AJUBA: variants seen among roughly 807,000 people sequenced by gnomAD.
AJUBA encodes ajuba LIM protein.
In AJUBA, 20 loss-of-function variants were observed where a neutral mutation model predicts 53.3. The observed-to-expected ratio is 0.38, with a 90% CI of 0.26 to 0.55. AJUBA has a LOEUF of 0.55. Ranked by LOEUF, AJUBA falls within the 20% of genes least tolerant of loss-of-function variation. The pLI is 0.80. For missense variants in AJUBA, 580 were observed against 730.5 expected (o/e 0.79, Z 2.38); for synonymous variants, 296 against 306.2 (o/e 0.97, Z 0.35).
In AJUBA at chr14:22,979,039, G is replaced by C; in HGVS notation, c.1007-594C>G. On this transcript the variant is annotated intron_variant, in intron 1 of 7. Transcript: ENST00000262713. The surrounding 1 kb of genome is among the most constrained non-coding windows in gnomAD (Gnocchi z 4.0). Reference sequence around the variant, plus strand: ...AGGGGACCATGTGAGCATGATTCCTGTGGGGAGGTGGCTGCTGAGAATGCA... The same window carrying C: ...AGGGGACCATGTGAGCATGATTCCTCTGGGGAGGTGGCTGCTGAGAATGCA... 7.8e-7 allele frequency: 1 copy of C among 1,289,066 alleles called. No homozygotes were observed. The highest frequency in any genetic ancestry group is 1.0e-6 in the Non-Finnish European group (1 of 988,646). The allele number at this position is 1,289,066 out of a possible 1,614,324, so 79.9% of individuals were successfully genotyped here.
intron 2 of AJUBA, 28 bp from the exon 3 acceptor site, chr14:22,976,740 C>T: frequency 6.2e-7 from 1 of 1,611,360 alleles, no homozygotes; most frequent in Non-Finnish European, 8.5e-7. Flanking sequence ...GGGGCTGGAA[C>T]CTATCCCACA....
Position 22,975,115 on chromosome 14 carries a change from G to C in AJUBA, c.1240-11C>G, listed in dbSNP as rs2045022730. The C allele has an allele frequency of 1.9e-6, 3 of 1,606,102 alleles. No individual in the cohort carries two copies. The highest frequency in any genetic ancestry group is 1.7e-6 in the Non-Finnish European group (2 of 1,175,838). On this transcript the variant is annotated splice_polypyrimidine_tract_variant and intron_variant, in intron 4 of 7. Transcript: ENST00000262713. Reference sequence around the variant, plus strand: ...CATTGCTTGTAGGATCTGGCTCATGGGGTAGCAAGAGAATCAGTCTCCCTC... The same window carrying C: ...CATTGCTTGTAGGATCTGGCTCATGCGGTAGCAAGAGAATCAGTCTCCCTC...
In AJUBA at chr14:22,982,079, G is replaced by T; in HGVS notation, c.188C>A (p.Pro63Gln). The T allele has an allele frequency of 6.3e-7, 1 of 1,590,878 alleles. No homozygotes were observed. Among genetic ancestry groups the T allele is most frequent in the South Asian group, 1.1e-5 (1 of 88,436 alleles). Residue 63 changes from proline (P) to glutamine (Q), a missense_variant, in exon 1 of 8, where the codon CCG (proline) becomes CAG (glutamine). Physicochemically the swap from Pro to Gln is moderately conservative, Grantham distance 76 (BLOSUM62 -1). Around this residue, in one of 2 missense-constraint regions of AJUBA, gnomAD observed 430 missense variants for 471.5 expected, o/e 0.91. Transcript: ENST00000262713. ...GTCCAGGGAACCTTGCTCCCGGGCCGGCTCCAACGGCTCATCCCCAGGTCC... is the reference window on the plus strand; with the variant it reads ...GTCCAGGGAACCTTGCTCCCGGGCCTGCTCCAACGGCTCATCCCCAGGTCC... ...TGGPGDEPLEPAREQGSLDAE... is the reference protein window; with the variant it reads ...TGGPGDEPLEQAREQGSLDAE...
intron 1 of AJUBA, chr14:22,980,647 G>A: frequency 1.0e-6 from 1 of 985,278 alleles, no homozygotes; most frequent in Non-Finnish European, 1.2e-6. Context: ...GTCCCAGGGC[G>A]CTCCATCCTG....
intron 1 of AJUBA, 21 bp from the exon 2 acceptor site, chr14:22,978,466 C>G: frequency 6.2e-7 from 1 of 1,602,408 alleles, no homozygotes; most frequent in Non-Finnish European, 8.5e-7. Context: ...AAAAGTGTCA[C>G]ACTCTACTCC....
At chr14:22,975,505 T>C (rs2045026266) in intron 4 of AJUBA, among the ~76,000 whole-genome samples, 2 of 152,212 alleles carry the variant, frequency 1.3e-5, no homozygotes, top group Non-Finnish European at 2.9e-5. Flanking sequence ...TCCTATCTTT[T>C]GTTTTTACAG....
Position 22,979,086 on chromosome 14 carries a change from G to A in AJUBA, c.1007-641C>T. 7.8e-7 allele frequency: 1 copy of A among 1,286,058 alleles called. No homozygotes were observed. The highest frequency in any genetic ancestry group is 1.2e-5 in the South Asian group (1 of 80,680). 79.7% of individuals were successfully genotyped at this position (1,286,058 alleles called of 1,614,324 possible). A position where few individuals can be genotyped will look rare whatever the true frequency, so the allele number is the denominator to read the frequency against. On this transcript the variant is annotated intron_variant, in intron 1 of 7. Transcript: ENST00000262713. The surrounding 1 kb of genome is among the most constrained non-coding windows in gnomAD (Gnocchi z 4.0). The stretch of plus-strand genomic sequence containing the variant: ...TGCAGGGTGTGTTCCAGGAACCAGG[G>A]TTGAACAGGAAAGCAGGGAGAGTAG...
At chr14:22,973,601 TA>T (rs750696234) in intron 7 of AJUBA, 33 bp from the exon 8 acceptor site, 1 of 1,612,642 alleles carries the variant, frequency 6.2e-7, no homozygotes, top group Non-Finnish European at 8.5e-7. Flanking sequence ...CACCTCAGCC[TA>T]GGCACCTTGG....
intron 7 of AJUBA, 119 bp downstream of exon 7, chr14:22,973,928 T>G (rs1371934395): frequency 1.7e-6 from 2 of 1,177,432 alleles, no homozygotes; most frequent in Non-Finnish European, 2.5e-6. Flanking sequence ...GGTCACAATA[T>G]CTTTCTGGTT....
intron 1 of AJUBA, among the ~76,000 whole-genome samples, chr14:22,980,834 C>T (rs1049146596): frequency 6.6e-6 from 1 of 151,916 alleles, no homozygotes; most frequent in East Asian, 1.9e-4. Flanking sequence ...CCCCCCCACC[C>T]GCGCATTCTC....
Position 22,981,906 on chromosome 14 carries a change from G to T in AJUBA, c.361C>A (p.Arg121Ser). ...GCCGAGCTACTGGCGAAGCTAGAGC[G>T]GGGGCTGAGGGCCGGGGCCGTGGGC... ...LEPTAPALSP[R>S]SSFASSSASD... The change falls in exon 1 of 8, where the codon CGC becomes AGC. Residue 121 changes from arginine to serine, a missense_variant. This residue lies in a region of AJUBA where 430 missense variants were observed against 471.5 expected (regional missense o/e 0.91). Transcript: ENST00000262713. The T allele has an allele frequency of 1.3e-6, 2 of 1,552,046 alleles. No homozygotes were observed. The highest frequency in any genetic ancestry group is 2.4e-5 in the East Asian group (1 of 42,170).
Position 22,974,860 on chromosome 14 carries a change from G to T in AJUBA, c.1401C>A (p.Gly467=). Residue 467 remains glycine (G), a synonymous_variant, in exon 6 of 8, where the codon GGC becomes GGA. Coordinates refer to ENST00000262713, the MANE Select transcript of AJUBA (RefSeq NM_032876.6). Reference sequence around the variant, plus strand: ...TGACCTCAGAGGGGAGGATGGGTTGGCCACAGGCTGCACACTTAGGAGCAT... The same window carrying T: ...TGACCTCAGAGGGGAGGATGGGTTGTCCACAGGCTGCACACTTAGGAGCAT... The part of the protein sequence containing the change: ...KNYAPKCAAC[G]QPILPSEGCE... 1.2e-6 allele frequency: 2 copies of T among 1,613,152 alleles called. No individual in the cohort carries two copies. The highest frequency in any genetic ancestry group is 1.7e-6 in the Non-Finnish European group (2 of 1,179,902).
At chr14:22,980,207 G>A (rs1018991127) in intron 1 of AJUBA, among the ~76,000 whole-genome samples, 30 of 152,246 alleles carry the variant, frequency 2.0e-4, no homozygotes, top group African/African-American at 7.2e-4. Flanking sequence ...GCCCTTAGGC[G>A]GTAAGCCTGC....
chr14:22,981,306 C>G lies in AJUBA; in HGVS notation c.961G>C (p.Ala321Pro). Residue 321 changes from alanine (A) to proline (P), a missense_variant, in exon 1 of 8, where the codon GCC (alanine) becomes CCC (proline). Around this residue, in one of 2 missense-constraint regions of AJUBA, gnomAD observed 430 missense variants for 471.5 expected, o/e 0.91. Coordinates refer to ENST00000262713, the MANE Select transcript of AJUBA (RefSeq NM_032876.6). ...EPPGPFVPEA[A>P]RARMREPEAR... ...TCTGGCTCCCGCATCCGGGCCCGGGCGGCCTCCGGAACGAAAGGACCTGGT... is the reference window on the plus strand; with the variant it reads ...TCTGGCTCCCGCATCCGGGCCCGGGGGGCCTCCGGAACGAAAGGACCTGGT... 1.9e-6 allele frequency: 3 copies of G among 1,611,450 alleles called. No homozygotes were observed. The highest frequency in any genetic ancestry group is 2.5e-6 in the Non-Finnish European group (3 of 1,178,364).
rs1455533518 is a variant in AJUBA at position 22,979,939 on chromosome 14, G to A, written c.1006+1322C>T. 1.3e-5 allele frequency among the ~76,000 whole-genome samples: 2 copies of A among 151,532 alleles called. No homozygotes were observed. Among genetic ancestry groups the A allele is most frequent in the East Asian group, 3.9e-4 (2 of 5,152 alleles). ...TCATTCAGTCTTCCTTGATCAAAGC[G>A]GTTTGGCATCATCTCCTCTGGGCTT... is the stretch of plus-strand genomic sequence containing the variant. On this transcript the variant is annotated intron_variant, in intron 1 of 7. Coordinates refer to ENST00000262713, the MANE Select transcript of AJUBA (RefSeq NM_032876.6). The surrounding 1 kb of genome is among the most constrained non-coding windows in gnomAD (Gnocchi z 4.0).
Position 22,979,559 on chromosome 14 carries a change from G to GA in AJUBA, c.1007-1115_1007-1114insT, listed in dbSNP as rs1423077068. Among the ~76,000 whole-genome samples the GA allele has an allele frequency of 3.7e-4, 57 of 152,314 alleles. No individual in the cohort carries two copies. The highest frequency in any genetic ancestry group is 1.3e-3 in the African/African-American group (56 of 41,566). ...GCTAGCGGCACAAGGGGTATGTAGG[G>GA]GTTCTGTCAAAGGAGGCAACCTGAC... On this transcript the variant is annotated intron_variant, in intron 1 of 7. Coordinates refer to ENST00000262713, the MANE Select transcript of AJUBA (RefSeq NM_032876.6). This position sits in a 1 kb window ranked among gnomAD's most constrained non-coding sequence, Gnocchi z 4.0.
In AJUBA at chr14:22,981,361, C is replaced by T. The variant is rs2045091428; in HGVS notation, c.906G>A (p.Ser302=). ...GREAGARGEP[S]GIEPSGLEEP... is the part of the protein sequence containing the mutation. The stretch of plus-strand genomic sequence containing the variant: ...CCTCCAGACCCGACGGCTCAATCCC[C>T]GAGGGTTCTCCGCGGGCTCCGGCTT... The change falls in exon 1 of 8, where the codon TCG becomes TCA. Residue 302 remains serine, a synonymous_variant. Coordinates refer to ENST00000262713, the MANE Select transcript of AJUBA (RefSeq NM_032876.6). 4 of 1,613,262 alleles carry T rather than the reference C, an allele frequency of 2.5e-6. No homozygotes were observed. Among genetic ancestry groups the T allele is most frequent in the East Asian group, 2.2e-5 (1 of 44,884 alleles).
In AJUBA at chr14:22,979,022, A is replaced by G; in HGVS notation, c.1007-577T>C. On this transcript the variant is annotated intron_variant, in intron 1 of 7. Transcript: ENST00000262713. The surrounding 1 kb of genome is among the most constrained non-coding windows in gnomAD (Gnocchi z 4.0). ...CAGAGGGCTCCGTGCAGAGGGGACC[A>G]TGTGAGCATGATTCCTGTGGGGAGG... 7.8e-7 allele frequency: 1 copy of G among 1,289,162 alleles called. No homozygotes were observed. The highest frequency in any genetic ancestry group is 1.2e-5 in the South Asian group (1 of 81,018). 79.9% of individuals were successfully genotyped at this position (1,289,162 alleles called of 1,614,324 possible).
At chr14:22,976,558 C>T in intron 3 of AJUBA, 40 bp from the exon 4 acceptor site, 1 of 1,613,726 alleles carries the variant, frequency 6.2e-7, no homozygotes, top group East Asian at 2.2e-5. Flanking sequence ...TGTTATCAAA[C>T]TGAGAATGAT....
Sources: allele counts gnomAD v4.1 joint callset (sites outside exome capture counted in the v4.1 genomes callset), GRCh38; gene constraint gnomAD v4.1.1; regional missense constraint gnomAD v4.1.1; non-coding constraint Gnocchi (gnomAD v3.1); transcripts MANE v1.5; gene names NCBI Gene and HGNC (gene_info 2026-07-23, HGNC 2026-07-21).